SYNE2: variants seen among roughly 807,000 people sequenced by gnomAD.
SYNE2 encodes spectrin repeat containing nuclear envelope protein 2.
A neutral mutation model predicts 856.3 loss-of-function variants in SYNE2; 431 were observed. The ratio of observed to expected loss-of-function variants is 0.50; its 90% CI spans 0.47 to 0.55. The LOEUF is 0.55. Ranked by LOEUF, SYNE2 falls within the 20% of genes least tolerant of loss-of-function variation. The pLI is 0.00. For missense variants in SYNE2, 8,129 were observed against 8,023.2 expected (o/e 1.01, Z -0.50); for synonymous variants, 2,923 against 2,872.3 (o/e 1.02, Z -0.56).
Position 64,219,227 on chromosome 14 carries a change from G to A in SYNE2, c.19677G>A (p.Glu6559=), listed in dbSNP as rs753245566. 1.2e-6 allele frequency: 2 copies of A among 1,612,590 alleles called. No homozygotes were observed. Among genetic ancestry groups the A allele is most frequent in the East Asian group, 2.2e-5 (1 of 44,628 alleles). The change falls in exon 110 of 116, where the codon GAG becomes GAA. Residue 6559 remains glutamate (E), a synonymous_variant. Coordinates refer to ENST00000555002, the MANE Select transcript of SYNE2 (RefSeq NM_182914.3). ...EQQSGAFDRW[E]MIQAQELHNK... ...TTCCAGGTGCCTTCGACAGATGGGA[G>A]ATGATTCAAGCACAGGAGCTTCACA...
Position 64,132,254 on chromosome 14 carries a change from C to T in SYNE2, c.14341-11C>T, listed in dbSNP as rs369669657. 2 of 1,612,606 alleles carry T rather than the reference C, an allele frequency of 1.2e-6. No homozygotes were observed. The highest frequency in any genetic ancestry group is 1.7e-6 in the Non-Finnish European group (2 of 1,179,970). On this transcript the variant is annotated splice_polypyrimidine_tract_variant and intron_variant, in intron 76 of 115. Transcript: ENST00000555002. ...TTCAAAGTAAATATTAAAACTTTCT[C>T]CATCTCATAGGTTTTTTTCCAGAAG...
chr14:64,074,796 G>A (rs2097443813), intron 53 of SYNE2, among the ~76,000 whole-genome samples: 2 of 151,954 alleles, frequency 1.3e-5, no homozygotes, highest in South Asian at 2.1e-4. Context: ...CTGGGATGCT[G>A]AGGCAGGAGA....
At chr14:64,074,755 G>A (rs1050141825) in intron 53 of SYNE2, among the ~76,000 whole-genome samples, 1 of 152,090 alleles carries the variant, frequency 6.6e-6, no homozygotes, top group Admixed American at 6.6e-5. Context: ...AATTAGCCAG[G>A]CATGGTAGCG....
At chr14:63,903,811 CTT>C (rs35370942) in intron 1 of SYNE2, among the ~76,000 whole-genome samples, 3 of 145,904 alleles carry the variant, frequency 2.1e-5, no homozygotes, top group Non-Finnish European at 3.0e-5. Context: ...AATGGCCATT[CTT>C]TTTTTTTTTT....
chr14:63,911,195 T>C (rs1170609863), intron 2 of SYNE2, among the ~76,000 whole-genome samples: 6 of 152,096 alleles, frequency 3.9e-5, no homozygotes, highest in Non-Finnish European at 8.8e-5. Flanking sequence ...TTCAGATTGT[T>C]TCCCTTGTAG....
At chr14:64,162,669 C>A (rs924657513) in intron 88 of SYNE2, 2 of 311,928 alleles carry the variant, frequency 6.4e-6, no homozygotes, top group African/African-American at 2.2e-5. Flanking sequence ...GTTGCTAGGC[C>A]TTTTCTGTGG....
intron 2 of SYNE2, among the ~76,000 whole-genome samples, chr14:63,910,982 T>C (rs2095466634): frequency 6.6e-6 from 1 of 152,216 alleles, no homozygotes; most frequent in Admixed American, 6.5e-5. Context: ...GTTTGTTTTG[T>C]TTTAACATTT....
At chr14:64,030,097 A>G in intron 44 of SYNE2, 38 bp downstream of exon 44, 1 of 1,605,650 alleles carries the variant, frequency 6.2e-7, no homozygotes, top group Non-Finnish European at 8.5e-7. Context: ...ACATTTAAAA[A>G]AAAAAATCAG....
intron 76 of SYNE2, among the ~76,000 whole-genome samples, chr14:64,131,415 A>C (rs1280313489): frequency 6.6e-6 from 1 of 152,222 alleles, no homozygotes; most frequent in Non-Finnish European, 1.5e-5. Flanking sequence ...ATAAAGCAGC[A>C]AATTCCCTTT....
intron 2 of SYNE2, among the ~76,000 whole-genome samples, chr14:63,928,944 C>T (rs2095708191): frequency 6.6e-6 from 1 of 152,162 alleles, no homozygotes; most frequent in South Asian, 2.1e-4. Context: ...TATATTTGGT[C>T]TCTGCCCCTG....
intron 108 of SYNE2, among the ~76,000 whole-genome samples, chr14:64,217,218 A>G (rs74056529): frequency 0.014 from 2,096 of 152,344 alleles, 54 homozygotes; most frequent in African/African-American, 0.048. Context: ...AGTTGTTAAG[A>G]TTATTGTGTA....
chr14:64,055,367 CTT>C (rs35956880), intron 48 of SYNE2, among the ~76,000 whole-genome samples: 8 of 131,882 alleles, frequency 6.1e-5, no homozygotes, highest in Non-Finnish European at 6.4e-5. Context: ...CTGAAAATAA[CTT>C]TTTTTTTTTT....
At chr14:63,997,259 T>C in intron 24 of SYNE2, 42 bp from the exon 25 acceptor site, 1 of 1,597,684 alleles carries the variant, frequency 6.3e-7, no homozygotes, top group Non-Finnish European at 8.6e-7. Context: ...GGTTTCATTT[T>C]TCTTACCCTC....
At chr14:63,804,755 A>G (rs533321111) in intron 1 of SYNE2, among the ~76,000 whole-genome samples, 2 of 152,154 alleles carry the variant, frequency 1.3e-5, no homozygotes, top group African/African-American at 4.8e-5. Flanking sequence ...TGGCCTCCCA[A>G]AGTGCTGTGA....
chr14:63,788,069 G>A (rs928301931), intron 1 of SYNE2, among the ~76,000 whole-genome samples: 5 of 152,224 alleles, frequency 3.3e-5, no homozygotes, highest in Admixed American at 6.5e-5. Context: ...CAGCAGAGGC[G>A]GCAGAGGGCT....
chr14:64,132,125 G>A, intron 76 of SYNE2, 140 bp from the exon 77 acceptor site: 2 of 930,688 alleles, frequency 2.1e-6, no homozygotes, highest in Non-Finnish European at 1.6e-6. Context: ...TCTTGGCCAG[G>A]CTGGTCAATT....
At position 64,193,713 on chromosome 14, in the gene SYNE2, G is replaced by T. The variant is rs59084369; in HGVS notation, c.18038+3476G>T. ...GAGGAAAAAATGGGATTTAGGATAG[G>T]CTTCCTTAAAAACCACATTAGATTT... On this transcript the variant is annotated intron_variant, in intron 99 of 115. Coordinates refer to ENST00000555002, the MANE Select transcript of SYNE2 (RefSeq NM_182914.3). Among the ~76,000 whole-genome samples, 449 of 152,120 alleles carry T rather than the reference G, an allele frequency of 3.0e-3. 1 individual carries two copies. Among genetic ancestry groups the T allele is most frequent in the African/African-American group, 0.01 (426 of 41,548 alleles).
At position 64,212,888 on chromosome 14, in the gene SYNE2, G is replaced by T; in HGVS notation, c.18939G>T (p.Lys6313Asn). The change falls in exon 105 of 116, where the codon AAG becomes AAT. Residue 6313 changes from lysine to asparagine, a missense_variant. By Grantham distance (94) the Lys-to-Asn change is moderately conservative. Coordinates refer to ENST00000555002, the MANE Select transcript of SYNE2 (RefSeq NM_182914.3). ...TGTTTGGGGAGCAGCTGATTCAGAA[G>T]AGCGAGCCCCTGGATGCTGTGCTGA... ...LIVFGEQLIQ[K>N]SEPLDAVLIE... is the part of the protein sequence containing the mutation. 1 of 1,614,174 alleles carries T rather than the reference G, an allele frequency of 6.2e-7. No individual in the cohort carries two copies. Among genetic ancestry groups the T allele is most frequent in the Admixed American group, 1.7e-5 (1 of 60,028 alleles).
intron 1 of SYNE2, among the ~76,000 whole-genome samples, chr14:63,894,004 A>G (rs1202206499): frequency 6.6e-6 from 1 of 152,186 alleles, no homozygotes; most frequent in Non-Finnish European, 1.5e-5. Flanking sequence ...TTAGTTACTC[A>G]GTTACTTCTT....
Sources: gnomAD v4.1 joint callset for allele counts (sites outside exome capture counted in the v4.1 genomes callset) on GRCh38, gnomAD v4.1.1 for gene constraint, MANE v1.5 for transcripts, NCBI Gene and HGNC (gene_info 2026-07-23, HGNC 2026-07-21) for gene names.